The following DTNA variants were observed in gnomAD, a reference collection of about 807,000 sequenced individuals.
The protein encoded by DTNA is dystrobrevin alpha, also known as dystrophin-related protein 3.
A neutral mutation model predicts 100.7 loss-of-function variants in DTNA; 43 were observed. The observed-to-expected ratio is 0.43, with a 90% CI of 0.33 to 0.55. DTNA has a LOEUF of 0.55. DTNA is among the 20% of genes least tolerant of loss of function. DTNA has a pLI of 0.04. For synonymous variants in DTNA, 349 were observed against 347.9 expected (o/e 1.00, Z -0.04); for missense variants, 798 against 953.9 (o/e 0.84, Z 2.15).
chr18:34,846,472 C>CT (rs1486003687), intron 13 of DTNA, among the ~76,000 whole-genome samples: 1 of 152,108 alleles, frequency 6.6e-6, no homozygotes, highest in Non-Finnish European at 1.5e-5. Flanking sequence ...AGAGAAGCCT[C>CT]TTTTTCTGAG....
intron 1 of DTNA, among the ~76,000 whole-genome samples, chr18:34,578,316 GA>G (rs2146590186): frequency 6.6e-6 from 1 of 152,034 alleles, no homozygotes; most frequent in Non-Finnish European, 1.5e-5. Flanking sequence ...ACTTTTTGAT[GA>G]GATTGTTTGT....
intron 1 of DTNA, among the ~76,000 whole-genome samples, chr18:34,626,409 T>C (rs1376314157): frequency 6.6e-6 from 1 of 151,928 alleles, no homozygotes; most frequent in African/African-American, 2.4e-5. Flanking sequence ...AAAGGGCCTA[T>C]CACAGATATT....
intron 1 of DTNA, among the ~76,000 whole-genome samples, chr18:34,687,329 T>G (rs1182678658): frequency 6.6e-6 from 1 of 152,232 alleles, no homozygotes; most frequent in Non-Finnish European, 1.5e-5. Context: ...CCAGAGATTC[T>G]GGTACATTCT....
chr18:34,724,680 A>G (rs1600855830), intron 1 of DTNA, among the ~76,000 whole-genome samples: 1 of 152,276 alleles, frequency 6.6e-6, no homozygotes, highest in Admixed American at 6.5e-5. Context: ...AGTGAAGACA[A>G]CACCAAGCCA....
chr18:34,855,944 TTCTG>T (rs142202879), intron 15 of DTNA, among the ~76,000 whole-genome samples: 26,061 of 151,940 alleles, frequency 0.17, 2,838 homozygotes, highest in African/African-American at 0.32. Context: ...CTCCATGTGG[TTCTG>T]TCTATTTCTG....
In DTNA at chr18:34,753,366, ATTTT is replaced by A. The variant is rs757853063; in HGVS notation, c.-1-2597_-1-2594del. Among the ~76,000 whole-genome samples the A allele has an allele frequency of 1.5e-5, 2 of 133,150 alleles. 1 individual carries two copies. The highest frequency in any genetic ancestry group is 6.4e-5 in the African/African-American group (2 of 31,268). 87.4% of individuals were successfully genotyped at this position (133,150 alleles called of 152,430 possible). A position where few individuals can be genotyped will look rare whatever the true frequency, so the allele number is the denominator to read the frequency against. On this transcript the variant is annotated intron_variant, in intron 1 of 22. Transcript: ENST00000444659. ...ATTTATTTATTTATTTATTTATTTTATTTTTTTTTTTTTTTTATTTTTTATTTTT... is the reference window on the plus strand; with the variant it reads ...ATTTATTTATTTATTTATTTATTTTATTTTTTTTTTTTATTTTTTATTTTT...
chr18:34,890,678 C>T lies in DTNA; in HGVS notation c.*2944C>T, dbSNP rs1040630204. The T allele has an allele frequency of 2.6e-4, 175 of 671,550 alleles. No homozygotes were observed. Among genetic ancestry groups the T allele is most frequent in the Non-Finnish European group, 3.0e-4 (128 of 422,586 alleles). 41.6% of individuals were successfully genotyped at this position (671,550 alleles called of 1,614,324 possible). The stretch of plus-strand genomic sequence containing the variant: ...AGGAAACAGTTGTGGTTGGTCAGGA[C>T]GGAAGTTGGGGTAAGTTTGGTTGGT... On this transcript the variant is annotated 3_prime_UTR_variant, in exon 23 of 23. Transcript: ENST00000444659.
At chr18:34,497,596 T>C (rs1327236600) in intron 1 of DTNA, among the ~76,000 whole-genome samples, 1 of 152,124 alleles carries the variant, frequency 6.6e-6, no homozygotes. Context: ...TATTGATGTA[T>C]AATACCTGGC....
At chr18:34,875,773 A>G (rs1603337152) in intron 18 of DTNA, among the ~76,000 whole-genome samples, 1 of 152,204 alleles carries the variant, frequency 6.6e-6, no homozygotes. Flanking sequence ...TGAGATAAGT[A>G]ATCACAGCTC....
intron 2 of DTNA, among the ~76,000 whole-genome samples, chr18:34,761,709 A>T (rs1456508776): frequency 6.6e-6 from 1 of 152,224 alleles, no homozygotes; most frequent in Non-Finnish European, 1.5e-5. Context: ...CCTTAAATAA[A>T]TTTGTTTTAG....
intron 13 of DTNA, among the ~76,000 whole-genome samples, chr18:34,839,697 A>G (rs1255115304): frequency 6.6e-6 from 1 of 152,158 alleles, no homozygotes; most frequent in Non-Finnish European, 1.5e-5. Flanking sequence ...TTTTCTCTCA[A>G]TTAAGGGCCC....
intron 3 of DTNA, among the ~76,000 whole-genome samples, chr18:34,770,784 CT>C (rs10670584): frequency 0.12 from 15,381 of 132,740 alleles, 885 homozygotes; most frequent in Non-Finnish European, 0.15. Context: ...GAATTATATT[CT>C]TTTTTTTTTT....
chr18:34,634,613 G>A (rs2058455074), intron 1 of DTNA, among the ~76,000 whole-genome samples: 1 of 152,148 alleles, frequency 6.6e-6, no homozygotes, highest in African/African-American at 2.4e-5. Context: ...AGTCAGAAAA[G>A]GCAAGAGCAT....
intron 1 of DTNA, among the ~76,000 whole-genome samples, chr18:34,564,000 T>C (rs563597732): frequency 5.3e-5 from 8 of 152,332 alleles, no homozygotes; most frequent in South Asian, 4.1e-4. Context: ...ATGGTTGAGA[T>C]CTACTCTCTT....
At chr18:34,794,953 C>A (rs1373030933) in intron 4 of DTNA, among the ~76,000 whole-genome samples, 1 of 152,086 alleles carries the variant, frequency 6.6e-6, no homozygotes, top group African/African-American at 2.4e-5. Flanking sequence ...TGTTAGTGGC[C>A]GAGTGGGGAC....
At position 34,659,548 on chromosome 18, in the gene DTNA, T is replaced by G. The variant is rs182465246; in HGVS notation, c.-1-96428T>G. ...TAGCTTCTGATATTTCAGCTCTCAG[T>G]TTGAACATGTTTTTCCTTACACAAG... On this transcript the variant is annotated intron_variant, in intron 1 of 19. Transcript: ENST00000283365. Among the ~76,000 whole-genome samples, 59 of 152,228 alleles carry G rather than the reference T, an allele frequency of 3.9e-4. 2 individuals carry two copies. The East Asian group carries it at 5.8e-3, about 15-fold the overall frequency.
chr18:34,575,871 T>G (rs7238783), intron 1 of DTNA, among the ~76,000 whole-genome samples: 8,464 of 152,250 alleles, frequency 0.056, 682 homozygotes, highest in African/African-American at 0.18. Context: ...GTAGGACTAA[T>G]CAGTTCTTAA....
chr18:34,694,891 C>T (rs2080292608), intron 1 of DTNA, among the ~76,000 whole-genome samples: 1 of 152,146 alleles, frequency 6.6e-6, no homozygotes, highest in Admixed American at 6.5e-5. Flanking sequence ...CTCTCATCCC[C>T]TCAGTTAAAC....
chr18:34,876,624 A>G (rs1445150062), intron 18 of DTNA, among the ~76,000 whole-genome samples: 1 of 152,198 alleles, frequency 6.6e-6, no homozygotes, highest in Non-Finnish European at 1.5e-5. Context: ...ACATCATAAT[A>G]TCCAGGGATA....
Sources: allele counts gnomAD v4.1 joint callset (sites outside exome capture counted in the v4.1 genomes callset), GRCh38; gene constraint gnomAD v4.1.1; transcripts MANE v1.5; gene names NCBI Gene and HGNC (gene_info 2026-07-23, HGNC 2026-07-21).